Variants in LRRC4C observed in about 807,000 individuals in gnomAD.
LRRC4C encodes the protein leucine rich repeat containing 4C.
A neutral mutation model predicts 33.6 loss-of-function variants in LRRC4C; 5 were observed. The ratio of observed to expected loss-of-function variants is 0.15; its 90% CI spans 0.08 to 0.31. The LOEUF (loss-of-function observed/expected upper bound fraction) is 0.31. Among genes scored for constraint, LRRC4C ranks in the 10% least tolerant of loss-of-function variants. LRRC4C has a pLI of 1.00. For missense variants in LRRC4C, 560 were observed against 796.7 expected (o/e 0.70, Z 3.58); for synonymous variants, 329 against 302.0 (o/e 1.09, Z -0.93).
intron 1 of LRRC4C, among the ~76,000 whole-genome samples, chr11:41,271,768 A>G (rs1949328667): frequency 6.6e-6 from 1 of 152,140 alleles, no homozygotes; most frequent in African/African-American, 2.4e-5. Flanking sequence ...CCTGTGTTTG[A>G]AACATAGTAG....
At chr11:41,126,221 C>A (rs932059610) in intron 1 of LRRC4C, among the ~76,000 whole-genome samples, 3 of 151,816 alleles carry the variant, frequency 2.0e-5, no homozygotes, top group Middle Eastern at 3.4e-3. Context: ...AAAAAATTGT[C>A]ATTTTTTAAG....
At chr11:41,158,631 G>GTTCACCACAAAA (rs1555093308) in intron 1 of LRRC4C, among the ~76,000 whole-genome samples, 2 of 152,046 alleles carry the variant, frequency 1.3e-5, no homozygotes, top group Non-Finnish European at 2.9e-5. Flanking sequence ...GGACCACAAA[G>GTTCACCACAAAA]TTCACCCCAA....
At chr11:40,922,883 T>C (rs1422021295) in intron 2 of LRRC4C, among the ~76,000 whole-genome samples, 2 of 152,172 alleles carry the variant, frequency 1.3e-5, no homozygotes, top group African/African-American at 4.8e-5. Context: ...TGGTGCACAG[T>C]GGCGCAAACT....
chr11:41,404,598 A>G (rs1285166465), intron 1 of LRRC4C, among the ~76,000 whole-genome samples: 2 of 151,476 alleles, frequency 1.3e-5, no homozygotes, highest in Non-Finnish European at 2.9e-5. Flanking sequence ...ATTTCTTGTT[A>G]TGACGATGTG....
chr11:41,402,040 TA>T (rs1001671355), intron 1 of LRRC4C, among the ~76,000 whole-genome samples: 1 of 151,900 alleles, frequency 6.6e-6, no homozygotes, highest in Non-Finnish European at 1.5e-5. Flanking sequence ...GACATATACA[TA>T]AAAATGTCTT....
At chr11:41,295,146 A>G (rs1950102327) in intron 1 of LRRC4C, among the ~76,000 whole-genome samples, 1 of 152,226 alleles carries the variant, frequency 6.6e-6, no homozygotes, top group South Asian at 2.1e-4. Flanking sequence ...ATCCTAAAAT[A>G]GTGGAAAATT....
chr11:40,409,519 T>C (rs1312446777), intron 3 of LRRC4C, among the ~76,000 whole-genome samples: 1 of 151,656 alleles, frequency 6.6e-6, no homozygotes, highest in African/African-American at 2.4e-5. Context: ...CCAAAGAATA[T>C]AAAAAAACTA....
intron 3 of LRRC4C, among the ~76,000 whole-genome samples, chr11:40,617,138 T>C (rs1181472079): frequency 3.3e-5 from 5 of 151,770 alleles, no homozygotes; most frequent in African/African-American, 1.2e-4. Context: ...AGTTTATCCA[T>C]TTACATATCA....
At chr11:40,862,498 T>G (rs1434503508) in intron 2 of LRRC4C, among the ~76,000 whole-genome samples, 1 of 152,226 alleles carries the variant, frequency 6.6e-6, no homozygotes, top group Non-Finnish European at 1.5e-5. Context: ...TCTGTGGTTT[T>G]TTAAATAATC....
intron 1 of LRRC4C, among the ~76,000 whole-genome samples, chr11:41,255,535 A>G (rs1239954314): frequency 6.6e-6 from 1 of 151,904 alleles, no homozygotes; most frequent in Non-Finnish European, 1.5e-5. Context: ...TAATCCCCTT[A>G]AATCTTTTTC....
chr11:40,121,298 G>T (rs1169573498), intron 6 of LRRC4C, among the ~76,000 whole-genome samples: 1 of 152,056 alleles, frequency 6.6e-6, no homozygotes, highest in African/African-American at 2.4e-5. Context: ...CAATTAATGA[G>T]ATTTTCTATA....
At chr11:41,256,220 C>G (rs534630912) in intron 1 of LRRC4C, among the ~76,000 whole-genome samples, 1 of 151,884 alleles carries the variant, frequency 6.6e-6, no homozygotes, top group Non-Finnish European at 1.5e-5. Context: ...TCAGTCACCC[C>G]GGGTGATAAC....
chr11:40,659,871 C>T (rs1404422520), intron 2 of LRRC4C, among the ~76,000 whole-genome samples: 1 of 152,210 alleles, frequency 6.6e-6, no homozygotes, highest in Non-Finnish European at 1.5e-5. Flanking sequence ...GTACCTCATT[C>T]TTTATGGATG....
At chr11:40,908,342 A>G (rs1464675198) in intron 2 of LRRC4C, among the ~76,000 whole-genome samples, 1 of 152,166 alleles carries the variant, frequency 6.6e-6, no homozygotes, top group East Asian at 1.9e-4. Context: ...CTTGAATGAA[A>G]AATCACTACT....
At chr11:40,406,406 G>A (rs1463809257) in intron 3 of LRRC4C, among the ~76,000 whole-genome samples, 7 of 152,004 alleles carry the variant, frequency 4.6e-5, no homozygotes, top group Non-Finnish European at 1.0e-4. Flanking sequence ...TAGTTTAATT[G>A]GTTGTCTCTT....
intron 1 of LRRC4C, among the ~76,000 whole-genome samples, chr11:41,009,431 T>C (rs1021398574): frequency 6.6e-6 from 1 of 152,084 alleles, no homozygotes; most frequent in African/African-American, 2.4e-5. Flanking sequence ...TTAGAGACAC[T>C]GATGTTTTGT....
At chr11:40,410,588 T>C (rs1950122744) in intron 3 of LRRC4C, among the ~76,000 whole-genome samples, 1 of 152,110 alleles carries the variant, frequency 6.6e-6, no homozygotes, top group Non-Finnish European at 1.5e-5. Flanking sequence ...CCTGCTTCTC[T>C]GCTGCATGGA....
chr11:41,316,321 TATTG>T (rs1950796990), intron 1 of LRRC4C, among the ~76,000 whole-genome samples: 2 of 150,294 alleles, frequency 1.3e-5, no homozygotes, highest in East Asian at 2.0e-4. Flanking sequence ...TCTTGGTGAT[TATTG>T]ATTAAATCTA....
At chr11:40,410,012 T>G (rs1440103) in intron 3 of LRRC4C, among the ~76,000 whole-genome samples, 1 of 151,844 alleles carries the variant, frequency 6.6e-6, no homozygotes. Context: ...GAAAAACAAA[T>G]TTTAGTGTCT....
Sources: allele counts gnomAD v4.1 joint callset (sites outside exome capture counted in the v4.1 genomes callset), GRCh38; gene constraint gnomAD v4.1.1; transcripts MANE v1.5; gene names NCBI Gene and HGNC (gene_info 2026-07-23, HGNC 2026-07-21).